MTA3: variants seen among roughly 807,000 people sequenced by gnomAD.
MTA3 encodes the protein metastasis-associated protein MTA3.
In MTA3, 34 loss-of-function variants were observed where a neutral mutation model predicts 83.5. The observed-to-expected ratio is 0.41, with a 90% confidence interval of 0.31 to 0.54. MTA3 has a LOEUF of 0.54. Among genes scored for constraint, MTA3 ranks in the 20% least tolerant of loss-of-function variants. The pLI, the probability that MTA3 is intolerant of heterozygous loss-of-function variation, is 0.33. For synonymous variants in MTA3, 303 were observed against 252.7 expected (o/e 1.20, Z -1.89); for missense variants, 761 against 726.4 (o/e 1.05, Z -0.55).
chr2:42,713,000 C>T (rs1166566062), intron 14 of MTA3, among the ~76,000 whole-genome samples: 1 of 152,200 alleles, frequency 6.6e-6, no homozygotes, highest in Non-Finnish European at 1.5e-5. Context: ...ATCATCCAAA[C>T]ACCTGATGCA....
intron 2 of MTA3, among the ~76,000 whole-genome samples, chr2:42,504,271 G>A (rs952870786): frequency 1.3e-5 from 2 of 149,326 alleles, no homozygotes; most frequent in Non-Finnish European, 3.0e-5. Context: ...AAAAGACTTC[G>A]CTCTGTCATC....
At chr2:42,664,522 G>C (rs546063401) in intron 8 of MTA3, among the ~76,000 whole-genome samples, 1 of 137,468 alleles carries the variant, frequency 7.3e-6, no homozygotes, top group East Asian at 2.2e-4. Flanking sequence ...TGCCCAGGCT[G>C]GAGTGCAGTG....
rs1430675726 is a variant in MTA3, at chr2:42,729,086, G to GTTTTTTGTTTTTT, written c.1759+6057_1759+6058insGTTTTTTTTTTTT. Among the ~76,000 whole-genome samples the GTTTTTTGTTTTTT allele has an allele frequency of 7.0e-4, 42 of 60,126 alleles. 12 individuals carry two copies. Among genetic ancestry groups the GTTTTTTGTTTTTT allele is most frequent in the East Asian group, 1.5e-3 (2 of 1,330 alleles). The allele number at this position is 60,126 out of a possible 152,430, so 39.4% of individuals were successfully genotyped here. A position where few individuals can be genotyped will look rare whatever the true frequency, so the allele number is the denominator to read the frequency against. On this transcript the variant is annotated intron_variant, in intron 16 of 16. Coordinates refer to ENST00000405094, the MANE Select transcript of MTA3 (RefSeq NM_001330442.2). ...TTCTTTTATTAGTTTCACAGTTTGA[G>GTTTTTTGTTTTTT]TTTTTTTTTTTTTTTTTTTTTTTTT...
At chr2:42,507,648 G>T (rs573473011) in intron 2 of MTA3, among the ~76,000 whole-genome samples, 1 of 151,420 alleles carries the variant, frequency 6.6e-6, no homozygotes, top group South Asian at 2.1e-4. Flanking sequence ...GGAAAACTAG[G>T]TCAGGTGCCG....
At chr2:42,736,491 T>C (rs1354054995) in intron 16 of MTA3, among the ~76,000 whole-genome samples, 1 of 152,062 alleles carries the variant, frequency 6.6e-6, no homozygotes, top group Non-Finnish European at 1.5e-5. Context: ...GCAGGTGGCA[T>C]ATCCAGCCAG....
chr2:42,547,016 G>A (rs79930285), intron 2 of MTA3, among the ~76,000 whole-genome samples: 34 of 152,276 alleles, frequency 2.2e-4, no homozygotes, highest in African/African-American at 7.5e-4. Flanking sequence ...CGAGGATGTG[G>A]ACTTTAAACT....
chr2:42,742,693 A>G (rs1669121121), intron 16 of MTA3, among the ~76,000 whole-genome samples: 1 of 152,218 alleles, frequency 6.6e-6, no homozygotes, highest in South Asian at 2.1e-4. Flanking sequence ...GTAGGTATTT[A>G]TCAAGTGTTA....
chr2:42,662,732 C>CT (rs35392554), intron 8 of MTA3, among the ~76,000 whole-genome samples: 59 of 123,270 alleles, frequency 4.8e-4, no homozygotes, highest in South Asian at 8.3e-4. Flanking sequence ...TATATAAATA[C>CT]TTTTTTTTTT....
intron 16 of MTA3, among the ~76,000 whole-genome samples, chr2:42,751,331 G>T (rs1669858125): frequency 6.6e-6 from 1 of 152,218 alleles, no homozygotes; most frequent in Non-Finnish European, 1.5e-5. Context: ...ATACATTTGA[G>T]AATAAATAAA....
At chr2:42,715,570 GA>G (rs1666971848) in intron 14 of MTA3, among the ~76,000 whole-genome samples, 1 of 152,032 alleles carries the variant, frequency 6.6e-6, no homozygotes, top group Non-Finnish European at 1.5e-5. Context: ...GAGGATTAGT[GA>G]AATATGCTTC....
chr2:42,609,428 T>G (rs2104082536), intron 3 of MTA3, 30 bp from the exon 4 acceptor site: 1 of 1,604,722 alleles, frequency 6.2e-7, no homozygotes, highest in South Asian at 1.1e-5. Context: ...TGCTTTGTAC[T>G]AATAAATTCT....
chr2:42,660,512 C>T (rs1383660486), intron 8 of MTA3, among the ~76,000 whole-genome samples: 1 of 152,220 alleles, frequency 6.6e-6, no homozygotes, highest in Non-Finnish European at 1.5e-5. Context: ...CTAATGGCTG[C>T]CGTGGTCAGG....
At position 42,677,539 on chromosome 2, in the gene MTA3, C is replaced by T. The variant is rs183090948; in HGVS notation, c.703-4862C>T. ...TTGTATTTTAGTAGAGATGGGTTTT[C>T]GCCGTGTTGTCCAGGGGTGGTCTCA... On this transcript the variant is annotated intron_variant, in intron 8 of 16. Transcript: ENST00000405094. Among the ~76,000 whole-genome samples, 453 of 151,956 alleles carry T rather than the reference C, an allele frequency of 3.0e-3. 1 individual carries two copies. The highest frequency in any genetic ancestry group is 9.9e-3 in the African/African-American group (409 of 41,428).
At chr2:42,569,067 C>T (rs1235638710) in intron 1 of MTA3, among the ~76,000 whole-genome samples, 4 of 152,166 alleles carry the variant, frequency 2.6e-5, no homozygotes, top group Non-Finnish European at 5.9e-5. Flanking sequence ...CTCCACGAAA[C>T]CCTCATCGGG....
intron 3 of MTA3, among the ~76,000 whole-genome samples, chr2:42,596,252 C>G (rs1008206606): frequency 1.3e-5 from 2 of 152,198 alleles, no homozygotes; most frequent in African/African-American, 4.8e-5. Context: ...TGCTACTCTC[C>G]TTTTGCAGCC....
chr2:42,566,575 T>C (rs1034882891), upstream of MTA3, among the ~76,000 whole-genome samples: 11 of 152,320 alleles, frequency 7.2e-5, no homozygotes, highest in African/African-American at 2.6e-4. Context: ...GGGGGGCTTC[T>C]GGATGAGGCT....
At chr2:42,585,579 A>AT (rs1261470007) in intron 3 of MTA3, among the ~76,000 whole-genome samples, 1 of 147,602 alleles carries the variant, frequency 6.8e-6, no homozygotes, top group Non-Finnish European at 1.5e-5. Context: ...GGTTCAAGTG[A>AT]TTCGCCTGCC....
chr2:42,621,652 C>T (rs929240213), intron 4 of MTA3, among the ~76,000 whole-genome samples: 11 of 152,078 alleles, frequency 7.2e-5, no homozygotes, highest in Non-Finnish European at 1.0e-4. Context: ...GGGTACACCT[C>T]CCAGACGGGG....
intron 1 of MTA3, chr2:42,569,547 T>G (rs1417762858): frequency 1.3e-5 from 2 of 152,238 alleles, no homozygotes; most frequent in African/African-American, 4.8e-5. Flanking sequence ...CCTTCTCTGC[T>G]CATTAGCCGA....
Sources: allele counts gnomAD v4.1 joint callset (sites outside exome capture counted in the v4.1 genomes callset), GRCh38; gene constraint gnomAD v4.1.1; transcripts MANE v1.5; gene names NCBI Gene and HGNC (gene_info 2026-07-23, HGNC 2026-07-21).